The following MAP4K4 variants were observed in gnomAD, a reference collection of about 807,000 sequenced individuals.
MAP4K4 encodes the protein HPK/GCK-like kinase HGK.
Under a neutral mutation model 189.6 loss-of-function variants are expected in MAP4K4, and 38 were observed. The observed-to-expected ratio is 0.20, with a 90% CI of 0.15 to 0.26. The LOEUF (loss-of-function observed/expected upper bound fraction) is 0.26. Among genes scored for constraint, MAP4K4 ranks in the 10% least tolerant of loss-of-function variants. The pLI, the probability that MAP4K4 is intolerant of heterozygous loss-of-function variation, is 1.00. For synonymous variants in MAP4K4, 610 were observed against 624.3 expected (o/e 0.98, Z 0.34); for missense variants, 1,054 against 1,726.9 (o/e 0.61, Z 6.91).
intron 12 of MAP4K4, among the ~76,000 whole-genome samples, chr2:101,855,506 T>A (rs1485425866): frequency 6.6e-6 from 1 of 152,220 alleles, no homozygotes; most frequent in Non-Finnish European, 1.5e-5. Context: ...ATAATGGTCC[T>A]GGTTATTCTT....
chr2:101,885,339 C>A, intron 29 of MAP4K4, 52 bp downstream of exon 29: 1 of 1,056,312 alleles, frequency 9.5e-7, no homozygotes, highest in Non-Finnish European at 1.4e-6. Flanking sequence ...AAGCTGCAAC[C>A]AAGAGTCAGG....
intron 2 of MAP4K4, among the ~76,000 whole-genome samples, chr2:101,733,178 A>T (rs1002881241): frequency 3.9e-5 from 6 of 152,162 alleles, no homozygotes; most frequent in Admixed American, 2.6e-4. Flanking sequence ...TCTGAAGTAG[A>T]GCATGAAAGC....
At position 101,871,575 on chromosome 2, in the gene MAP4K4, C is replaced by T. The variant is rs1375203363; in HGVS notation, c.2842C>T (p.Gln948Ter). Reference sequence around the variant, plus strand: ...CATTCACCTCTTGCCAGATCTCTTACAGCAAAGCCATTCCTCCTCCACTTC... The same window carrying T: ...CATTCACCTCTTGCCAGATCTCTTATAGCAAAGCCATTCCTCCTCCACTTC... Residue 948 changes from glutamine to a stop codon, truncating the protein, a stop_gained, in exon 24 of 33, where the codon CAG (glutamine) becomes TAG (stop). Transcript: ENST00000324219. LOFTEE classifies it high-confidence loss of function. The T allele has an allele frequency of 1.3e-6, 2 of 1,536,274 alleles. No homozygotes were observed. The highest frequency in any genetic ancestry group is 1.7e-6 in the Non-Finnish European group (2 of 1,146,938).
At chr2:101,810,672 T>C (rs2095363495) in intron 3 of MAP4K4, among the ~76,000 whole-genome samples, 2 of 152,210 alleles carry the variant, frequency 1.3e-5, no homozygotes, top group Non-Finnish European at 2.9e-5. Flanking sequence ...CTATTTACTC[T>C]GGGCTCTCAA....
At chr2:101,783,744 A>T (rs1438923856) in intron 2 of MAP4K4, among the ~76,000 whole-genome samples, 1 of 152,210 alleles carries the variant, frequency 6.6e-6, no homozygotes, top group Admixed American at 6.5e-5. Context: ...AAAGCTTCCC[A>T]GTTGGTTGGG....
chr2:101,839,868 A>T, exon 10 of MAP4K4: 1 of 1,609,826 alleles, frequency 6.2e-7, no homozygotes, highest in East Asian at 2.2e-5. Context: ...GAAGAATTAC[A>T]TGCAGCGGCC....
chr2:101,797,215 GC>G (rs1273078378), intron 3 of MAP4K4: 1 of 1,285,984 alleles, frequency 7.8e-7, no homozygotes, highest in South Asian at 1.2e-5. Context: ...GATCTCTGTG[GC>G]CTGTGGGACC....
chr2:101,754,719 A>G (rs1365062184), intron 2 of MAP4K4, among the ~76,000 whole-genome samples: 1 of 152,226 alleles, frequency 6.6e-6, no homozygotes, highest in Admixed American at 6.5e-5. Context: ...AGCCTTGGGA[A>G]TATGCCCAGA....
intron 22 of MAP4K4, 57 bp from the exon 23 acceptor site, chr2:101,870,238 A>G: frequency 1.3e-6 from 2 of 1,581,478 alleles, no homozygotes; most frequent in Non-Finnish European, 1.7e-6. Context: ...AAGCCTAAAC[A>G]GGATCTCCTT....
intron 2 of MAP4K4, among the ~76,000 whole-genome samples, chr2:101,773,542 A>G (rs1012479830): frequency 6.6e-6 from 1 of 152,270 alleles, no homozygotes; most frequent in Non-Finnish European, 1.5e-5. Context: ...TAGTCACATC[A>G]TGGAAAATAG....
intron 3 of MAP4K4, among the ~76,000 whole-genome samples, chr2:101,822,182 A>G (rs1436209138): frequency 6.6e-6 from 1 of 152,250 alleles, no homozygotes; most frequent in Non-Finnish European, 1.5e-5. Flanking sequence ...CAAACCACTA[A>G]CATAGTCATT....
chr2:101,744,997 T>C (rs957266641), intron 2 of MAP4K4, among the ~76,000 whole-genome samples: 1 of 152,168 alleles, frequency 6.6e-6, no homozygotes, highest in Non-Finnish European at 1.5e-5. Context: ...TTTCACTTTG[T>C]TGATGGTGCA....
At chr2:101,784,143 A>T (rs1182434125) in intron 2 of MAP4K4, among the ~76,000 whole-genome samples, 1 of 152,114 alleles carries the variant, frequency 6.6e-6, no homozygotes, top group East Asian at 1.9e-4. Context: ...CCCCATAGTG[A>T]TGTGTCCTTC....
At chr2:101,784,830 C>T (rs960202013) in intron 2 of MAP4K4, among the ~76,000 whole-genome samples, 2 of 152,126 alleles carry the variant, frequency 1.3e-5, no homozygotes, top group Admixed American at 6.5e-5. Flanking sequence ...TGTTCCAGGT[C>T]CACAGCCTGG....
chr2:101,823,394 G>A (rs577795843), intron 3 of MAP4K4, among the ~76,000 whole-genome samples: 2 of 152,152 alleles, frequency 1.3e-5, no homozygotes, highest in African/African-American at 4.8e-5. Flanking sequence ...TGAGCACACC[G>A]TCACAGACTA....
intron 16 of MAP4K4, 41 bp downstream of exon 16, chr2:101,861,027 C>G: frequency 1.3e-6 from 2 of 1,538,018 alleles, no homozygotes; most frequent in East Asian, 2.4e-5. Flanking sequence ...GAGACTCATG[C>G]AACGGCTCGC....
chr2:101,775,238 A>G (rs796496228), intron 2 of MAP4K4, among the ~76,000 whole-genome samples: 2 of 151,962 alleles, frequency 1.3e-5, no homozygotes, highest in African/African-American at 4.8e-5. Context: ...CACAAAGAAC[A>G]ACATGGGGTG....
chr2:101,881,395 T>A (rs2098385844), intron 27 of MAP4K4, among the ~76,000 whole-genome samples: 2 of 152,154 alleles, frequency 1.3e-5, no homozygotes, highest in East Asian at 3.8e-4. Context: ...GGGTTTTTGG[T>A]TGGTTGGTTG....
In MAP4K4 at chr2:101,891,146, CT is replaced by C; in HGVS notation, c.4072-19del. ...TTCATGACCATGGTAACCATTCCCT[CT>C]CTTTTCTTGCTTTTGCAGGTGTTCT... On this transcript the variant is annotated intron_variant, in intron 32 of 32. Transcript: ENST00000324219. 1.2e-6 allele frequency: 2 copies of C among 1,605,414 alleles called. No homozygotes were observed. Among genetic ancestry groups the C allele is most frequent in the African/African-American group, 2.7e-5 (2 of 74,884 alleles).
Sources: gnomAD v4.1 joint callset for allele counts (sites outside exome capture counted in the v4.1 genomes callset) on GRCh38, gnomAD v4.1.1 for gene constraint, MANE v1.5 for transcripts, NCBI Gene and HGNC (gene_info 2026-07-23, HGNC 2026-07-21) for gene names.